The following ANXA8 variants were observed in gnomAD, a reference collection of about 807,000 sequenced individuals.
ANXA8 encodes VAC-beta.
Under a neutral mutation model 26.8 loss-of-function variants are expected in ANXA8, and 9 were observed. The observed-to-expected ratio is 0.34, with a 90% CI of 0.20 to 0.59. The LOEUF (loss-of-function observed/expected upper bound fraction) is 0.59, where lower values mean the gene tolerates loss of function less well. ANXA8 is among the 20% of genes least tolerant of loss of function. The probability of loss-of-function intolerance (pLI) is 0.84; values close to 1 mark genes in which losing one functional copy is unlikely to be tolerated. For synonymous variants in ANXA8, 39 were observed against 94.8 expected (o/e 0.41, Z 3.42); for missense variants, 83 against 238.5 (o/e 0.35, Z 4.29).
chr10:47,593,278 G>A, the ANXA8 span, among the ~76,000 whole-genome samples: 98 of 149,682 alleles, frequency 6.5e-4, 1 homozygote, highest in South Asian at 0.02. Context: ...AGTGCAGCCT[G>A]CCAAAGCACC....
At chr10:47,955,164 G>A in the ANXA8 span, among the ~76,000 whole-genome samples, 1 of 149,660 alleles carries the variant, frequency 6.7e-6, no homozygotes, top group African/African-American at 2.5e-5. Flanking sequence ...CCTTGCACAA[G>A]CTCTCTCTTT....
the ANXA8 span, among the ~76,000 whole-genome samples, chr10:47,621,009 C>G: frequency 9.3e-6 from 1 of 108,056 alleles, no homozygotes; most frequent in Non-Finnish European, 2.0e-5. Context: ...TTAGGTTTGA[C>G]AAGCATCTAA....
the ANXA8 span, among the ~76,000 whole-genome samples, chr10:47,975,921 A>C: frequency 1.4e-5 from 2 of 147,310 alleles, no homozygotes; most frequent in South Asian, 2.2e-4. Flanking sequence ...GAATAGAAAA[A>C]AACTTAGACT....
chr10:47,736,974 G>A, the ANXA8 span, among the ~76,000 whole-genome samples: 1 of 151,592 alleles, frequency 6.6e-6, no homozygotes, highest in Non-Finnish European at 1.5e-5. Flanking sequence ...TTATTTTATT[G>A]CTAAAGTGAT....
Position 47,474,959 on chromosome 10 carries a change from G to A in ANXA8, c.538C>T (p.Leu180Phe). The A allele has an allele frequency of 6.5e-7, 1 of 1,528,954 alleles. No homozygotes were observed. The highest frequency in any genetic ancestry group is 8.8e-7 in the Non-Finnish European group (1 of 1,131,174). The allele number at this position is 1,528,954 out of a possible 1,614,324, so 94.7% of individuals were successfully genotyped here. A position where few individuals can be genotyped will look rare whatever the true frequency, so the allele number is the denominator to read the frequency against. The change falls in exon 7 of 12, where the codon CTC becomes TTC. Residue 180 changes from leucine to phenylalanine, a missense_variant. By Grantham distance (22) the Leu-to-Phe change is conservative (BLOSUM62 0). Coordinates refer to ENST00000585281, the MANE Select transcript of ANXA8 (RefSeq NM_001040084.3). The part of the protein sequence containing the change: ...VSSFVDPGLA[L>F]QDAQDLYAAG... ...CGCAGCCTCACCTGTGCGTCTTGGA[G>A]GGCCAGTCCTGGGTCCACAAAGCTG...
the ANXA8 span, chr10:47,565,501 G>A: frequency 5.2e-6 from 2 of 382,838 alleles, no homozygotes; most frequent in Non-Finnish European, 9.2e-6. Flanking sequence ...CAGCGACCCC[G>A]GCGAGGCCCC....
the ANXA8 span, among the ~76,000 whole-genome samples, chr10:47,898,510 T>A: frequency 0.011 from 27 of 2,540 alleles, no homozygotes; most frequent in Non-Finnish European, 0.016. Context: ...AAACACAATG[T>A]AGAGTTATCA....
chr10:47,743,878 C>T, the ANXA8 span, among the ~76,000 whole-genome samples: 2 of 142,296 alleles, frequency 1.4e-5, no homozygotes, highest in African/African-American at 5.2e-5. Context: ...AGTGCCCAGA[C>T]CCCGGGAAGT....
the ANXA8 span, among the ~76,000 whole-genome samples, chr10:47,667,257 A>G: frequency 6.6e-6 from 1 of 151,982 alleles, no homozygotes; most frequent in South Asian, 2.1e-4. Flanking sequence ...ACCCTTCATT[A>G]GTGGTTTCAC....
the ANXA8 span, among the ~76,000 whole-genome samples, chr10:47,920,268 G>A: frequency 1.5e-3 from 130 of 84,280 alleles, 1 homozygote; most frequent in African/African-American, 6.5e-3. Context: ...ACAGAGTCTC[G>A]CTCTGTTGCC....
chr10:47,744,408 T>G, the ANXA8 span, among the ~76,000 whole-genome samples: 8 of 4,320 alleles, frequency 1.9e-3, no homozygotes, highest in African/African-American at 4.9e-3. Context: ...GGAAGGCTCC[T>G]GGTGGGGGGG....
At chr10:47,689,505 G>A in the ANXA8 span, among the ~76,000 whole-genome samples, 2 of 151,892 alleles carry the variant, frequency 1.3e-5, no homozygotes, top group Admixed American at 1.3e-4. Context: ...AAAAATTTTT[G>A]TGAATATTGT....
chr10:47,973,607 T>C, the ANXA8 span: 2 of 150,972 alleles, frequency 1.3e-5, no homozygotes, highest in Non-Finnish European at 3.0e-5. Flanking sequence ...ACTGAGGCAG[T>C]CAGGACAATT....
At chr10:47,967,612 G>A in the ANXA8 span, among the ~76,000 whole-genome samples, 36 of 86,070 alleles carry the variant, frequency 4.2e-4, no homozygotes, top group African/African-American at 1.5e-3. Flanking sequence ...CCAGTCACAG[G>A]GCCAGGCATA....
the ANXA8 span, among the ~76,000 whole-genome samples, chr10:47,554,146 T>TAAATAAATAAAA: frequency 3.3e-4 from 45 of 136,044 alleles, 2 homozygotes; most frequent in Middle Eastern, 3.6e-3. Flanking sequence ...AATAAATAAA[T>TAAATAAATAAAA]AAAAATAAAG....
the ANXA8 span, among the ~76,000 whole-genome samples, chr10:47,693,635 A>C: frequency 6.6e-6 from 1 of 151,860 alleles, no homozygotes; most frequent in African/African-American, 2.4e-5. Flanking sequence ...TGTAATGAAC[A>C]GGCTTAGCAT....
chr10:47,628,362 A>G, the ANXA8 span, among the ~76,000 whole-genome samples: 1 of 151,950 alleles, frequency 6.6e-6, no homozygotes, highest in East Asian at 1.9e-4. Context: ...TATACAAGAG[A>G]AGAAAATTAT....
the ANXA8 span, among the ~76,000 whole-genome samples, chr10:47,573,312 A>G: frequency 6.7e-6 from 1 of 150,198 alleles, no homozygotes; most frequent in African/African-American, 2.5e-5. Context: ...ATATTGTTTA[A>G]TCAAGATGGG....
chr10:47,580,944 C>T, the ANXA8 span, among the ~76,000 whole-genome samples: 17 of 149,426 alleles, frequency 1.1e-4, 2 homozygotes, highest in African/African-American at 4.3e-4. Flanking sequence ...GAAGGGGAGG[C>T]AGGCACCTGT....
Sources: gnomAD v4.1 joint callset for allele counts (sites outside exome capture counted in the v4.1 genomes callset) on GRCh38, gnomAD v4.1.1 for gene constraint, MANE v1.5 for transcripts, NCBI Gene and HGNC (gene_info 2026-07-23, HGNC 2026-07-21) for gene names.